CAMK4: variants seen among roughly 807,000 people sequenced by gnomAD.
CAMK4 encodes the protein calcium/calmodulin dependent protein kinase IV.
In CAMK4, 22 loss-of-function variants were observed where a neutral mutation model predicts 44.9. The observed-to-expected ratio is 0.49, with a 90% CI of 0.35 to 0.70. CAMK4 has a LOEUF of 0.70. Among genes scored for constraint, CAMK4 ranks in the 30% least tolerant of loss-of-function variants. CAMK4 has a pLI of 0.01. For synonymous variants in CAMK4, 218 were observed against 215.4 expected, an observed-to-expected ratio of 1.01 and a Z score of -0.11; for missense variants, 498 against 586.8, an observed-to-expected ratio of 0.85 and a Z score of 1.56.
At chr5:111,338,467 T>G (rs1197360768) in intron 1 of CAMK4, among the ~76,000 whole-genome samples, 3 of 151,448 alleles carry the variant, frequency 2.0e-5, no homozygotes, top group Non-Finnish European at 4.4e-5. Flanking sequence ...TTCTTTAGTT[T>G]AATTAGGTCC....
chr5:111,474,170 A>G (rs939074797), intron 8 of CAMK4, among the ~76,000 whole-genome samples: 7 of 152,348 alleles, frequency 4.6e-5, no homozygotes, highest in Middle Eastern at 3.4e-3. Context: ...AGAGTACTAC[A>G]AAGTTAGTTG....
At chr5:111,335,299 A>G (rs565409334) in intron 1 of CAMK4, among the ~76,000 whole-genome samples, 2 of 151,386 alleles carry the variant, frequency 1.3e-5, no homozygotes, top group Admixed American at 6.6e-5. Context: ...ACATTGTGCA[A>G]TCTCATCTTC....
chr5:111,422,973 T>TCCA (rs1391842098), intron 5 of CAMK4, among the ~76,000 whole-genome samples: 1 of 152,080 alleles, frequency 6.6e-6, no homozygotes, highest in Non-Finnish European at 1.5e-5. Flanking sequence ...TCCTCTACCA[T>TCCA]CCACCACCAC....
At chr5:111,247,606 C>T (rs1427293252) in intron 1 of CAMK4, among the ~76,000 whole-genome samples, 1 of 151,688 alleles carries the variant, frequency 6.6e-6, no homozygotes, top group East Asian at 1.9e-4. Flanking sequence ...CCAGTACAAT[C>T]GAAAGTCTGG....
chr5:111,432,467 A>T (rs1753484402), intron 5 of CAMK4, among the ~76,000 whole-genome samples: 4 of 151,948 alleles, frequency 2.6e-5, no homozygotes, highest in Admixed American at 2.6e-4. Context: ...GATTATAGGC[A>T]ATAATAATTG....
intron 1 of CAMK4, among the ~76,000 whole-genome samples, chr5:111,274,308 A>T (rs779701468): frequency 4.6e-5 from 7 of 152,004 alleles, no homozygotes; most frequent in Non-Finnish European, 8.8e-5. Flanking sequence ...ATTTATCACT[A>T]CCTGACATGT....
chr5:111,301,193 C>T (rs957278869), intron 1 of CAMK4, among the ~76,000 whole-genome samples: 1 of 151,976 alleles, frequency 6.6e-6, no homozygotes, highest in Non-Finnish European at 1.5e-5. Context: ...CTATATATTT[C>T]AGGCAACATC....
chr5:111,460,080 T>G (rs1754586891), intron 7 of CAMK4, among the ~76,000 whole-genome samples: 1 of 152,062 alleles, frequency 6.6e-6, no homozygotes, highest in Non-Finnish European at 1.5e-5. Flanking sequence ...GTAGAAGATT[T>G]GCTTAAAATG....
At chr5:111,402,442 A>C (rs1462771818) in intron 5 of CAMK4, among the ~76,000 whole-genome samples, 1 of 152,280 alleles carries the variant, frequency 6.6e-6, no homozygotes, top group Non-Finnish European at 1.5e-5. Context: ...GAGAAGTAAC[A>C]CAAAAATAAA....
chr5:111,417,240 T>A (rs1357740919), intron 5 of CAMK4, among the ~76,000 whole-genome samples: 3 of 151,490 alleles, frequency 2.0e-5, no homozygotes, highest in Non-Finnish European at 4.4e-5. Context: ...TTTTTTTTTT[T>A]TTGAGACAAA....
intron 1 of CAMK4, among the ~76,000 whole-genome samples, chr5:111,263,607 A>G (rs1750093728): frequency 6.6e-6 from 1 of 152,182 alleles, no homozygotes; most frequent in African/African-American, 2.4e-5. Flanking sequence ...TAATCTCTTT[A>G]TTGGACATCC....
chr5:111,269,910 T>C (rs756207937), intron 1 of CAMK4: 1 of 152,208 alleles, frequency 6.6e-6, no homozygotes, highest in Non-Finnish European at 1.5e-5. Flanking sequence ...CCACATCCAA[T>C]TGGATGTTTT....
At chr5:111,262,196 A>G (rs1320430291) in intron 1 of CAMK4, among the ~76,000 whole-genome samples, 1 of 151,012 alleles carries the variant, frequency 6.6e-6, no homozygotes, top group Non-Finnish European at 1.5e-5. Context: ...AAAAAAAAAA[A>G]GACATTCAAG....
intron 5 of CAMK4, among the ~76,000 whole-genome samples, chr5:111,430,171 A>C (rs914905446): frequency 6.6e-6 from 1 of 152,142 alleles, no homozygotes; most frequent in South Asian, 2.1e-4. Context: ...ACATATGCAA[A>C]TCAATCAATG....
intron 1 of CAMK4, among the ~76,000 whole-genome samples, chr5:111,257,429 T>G (rs558672846): frequency 3.7e-4 from 56 of 152,284 alleles, no homozygotes; most frequent in African/African-American, 1.3e-3. Context: ...ATAAATGCAG[T>G]TCAAGACCAC....
At chr5:111,403,367 T>C (rs1187124303) in intron 5 of CAMK4, among the ~76,000 whole-genome samples, 1 of 152,214 alleles carries the variant, frequency 6.6e-6, no homozygotes, top group African/African-American at 2.4e-5. Context: ...GTTTTTTTGT[T>C]GTTTGTTTGA....
chr5:111,293,129 T>C (rs1459385805), intron 1 of CAMK4, among the ~76,000 whole-genome samples: 1 of 152,164 alleles, frequency 6.6e-6, no homozygotes, highest in Non-Finnish European at 1.5e-5. Flanking sequence ...GTGATTTCTC[T>C]TTATTTAAAA....
intron 4 of CAMK4, among the ~76,000 whole-genome samples, chr5:111,389,453 T>C (rs1378377871): frequency 6.6e-6 from 1 of 152,044 alleles, no homozygotes; most frequent in African/African-American, 2.4e-5. Context: ...AACCAAAATA[T>C]AGAGAGGAGA....
At chr5:111,415,898 A>G (rs1004459872) in intron 5 of CAMK4, among the ~76,000 whole-genome samples, 1 of 152,234 alleles carries the variant, frequency 6.6e-6, no homozygotes, top group African/African-American at 2.4e-5. Context: ...ACATTGTACT[A>G]GTTATTATAA....
Sources: gnomAD v4.1 joint callset for allele counts (sites outside exome capture counted in the v4.1 genomes callset) on GRCh38, gnomAD v4.1.1 for gene constraint, MANE v1.5 for transcripts, NCBI Gene and HGNC (gene_info 2026-07-23, HGNC 2026-07-21) for gene names.